SH3TC1: variants seen among roughly 807,000 people sequenced by gnomAD.
The protein encoded by SH3TC1 is SH3 domain and tetratricopeptide repeats 1.
In SH3TC1, 135 loss-of-function variants were observed where a neutral mutation model predicts 117.3. The ratio of observed to expected loss-of-function variants is 1.15; its 90% CI spans 1.00 to 1.33. The LOEUF is 1.33. Ranked by LOEUF, SH3TC1 falls within the 40% of genes most tolerant of loss-of-function variation. The pLI is 0.00. For synonymous variants in SH3TC1, 898 were observed against 816.9 expected, an observed-to-expected ratio of 1.10 and a Z score of -1.69; for missense variants, 2,092 against 1,794.3, an observed-to-expected ratio of 1.17 and a Z score of -3.00.
At chr4:8,191,117 G>C (rs1228547017) in intron 1 of SH3TC1, among the ~76,000 whole-genome samples, 1 of 152,168 alleles carries the variant, frequency 6.6e-6, no homozygotes, top group Non-Finnish European at 1.5e-5. Flanking sequence ...TCTCCTCTGG[G>C]GAAACAGCTC....
intron 1 of SH3TC1, among the ~76,000 whole-genome samples, chr4:8,187,484 C>T (rs1717261448): frequency 6.6e-6 from 1 of 152,154 alleles, no homozygotes; most frequent in Admixed American, 6.5e-5. Context: ...TCTTCTCCCC[C>T]ATTTACCCAG....
At position 8,183,751 on chromosome 4, in the gene SH3TC1, A is replaced by C. The variant is rs1578629310; in HGVS notation, c.-57+1541A>C. On this transcript the variant is annotated intron_variant, in intron 1 of 16. Coordinates refer to the SH3TC1 transcript ENST00000508641. The surrounding 1 kb of genome is among the most constrained non-coding windows in gnomAD (Gnocchi z 5.4). The stretch of plus-strand genomic sequence containing the variant: ...GTACATTTGTCATAACTAATGAGCC[A>C]ATACCACCAATGCCTGATTACCAGC... Among the ~76,000 whole-genome samples the C allele has an allele frequency of 6.6e-6, 1 of 152,184 alleles. No individual in the cohort carries two copies. Among genetic ancestry groups the C allele is most frequent in the East Asian group, 1.9e-4 (1 of 5,196 alleles).
intron 16 of SH3TC1, 177 bp downstream of exon 16, chr4:8,236,605 C>T (rs1721842979): frequency 3.8e-6 from 3 of 793,714 alleles, no homozygotes; most frequent in Non-Finnish European, 5.6e-6. Flanking sequence ...AGGTCCTTCA[C>T]TCAGTGCAGA....
chr4:8,198,841 G>A (rs1175691474), upstream of SH3TC1, among the ~76,000 whole-genome samples: 3 of 152,248 alleles, frequency 2.0e-5, no homozygotes, highest in South Asian at 6.2e-4. Flanking sequence ...GTCCATGTGT[G>A]CACACACTTG....
At chr4:8,230,448 C>T (rs1185186514) in intron 12 of SH3TC1, among the ~76,000 whole-genome samples, 2 of 151,978 alleles carry the variant, frequency 1.3e-5, no homozygotes, top group Non-Finnish European at 2.9e-5. Context: ...TGATTTTAGT[C>T]ATTTGTGTCC....
At chr4:8,194,228 G>A (rs933505655) in intron 1 of SH3TC1, among the ~76,000 whole-genome samples, 1 of 152,226 alleles carries the variant, frequency 6.6e-6, no homozygotes, top group Non-Finnish European at 1.5e-5. Context: ...GAAGGGTGTG[G>A]CTGGGGGCTT....
intron 16 of SH3TC1, 122 bp downstream of exon 16, chr4:8,236,550 C>T (rs1165304001): frequency 5.3e-6 from 7 of 1,321,256 alleles, no homozygotes; most frequent in Admixed American, 3.3e-5. Flanking sequence ...CAGGCAGGCA[C>T]ATCTGCCCAG....
At chr4:8,199,885 G>A (rs754674422) in intron 1 of SH3TC1, among the ~76,000 whole-genome samples, 119 of 152,314 alleles carry the variant, frequency 7.8e-4, no homozygotes, top group Non-Finnish European at 1.4e-3. Context: ...CTCTGATGCC[G>A]CCACCTGGGC....
intron 13 of SH3TC1, chr4:8,232,959 C>A (rs1721383500): frequency 8.4e-7 from 1 of 1,193,594 alleles, no homozygotes; most frequent in East Asian, 5.7e-5. Flanking sequence ...GCCAGAAGCT[C>A]TGGGGGCAGG....
chr4:8,239,298 T>TACATGCACACACATGGACATGCACACAC (rs1722104820), intron 17 of SH3TC1, among the ~76,000 whole-genome samples: 1 of 138,066 alleles, frequency 7.2e-6, no homozygotes, highest in Non-Finnish European at 1.6e-5. Flanking sequence ...CATGCACACA[T>TACATGCACACACATGGACATGCACACAC]GAGCACACAC....
Position 8,227,221 on chromosome 4 carries a change from T to C in SH3TC1, c.1527T>C (p.Pro509=), listed in dbSNP as rs55642964. ...CACTGCTGCTGTTCCTGAACGCCCC[T>C]GGGTACAAGGCCAGCTTCCGTGGCC... The part of the protein sequence containing the change: ...LSSLLLFLNA[P]GYKASFRGLY... The change falls in exon 12 of 18, where the codon CCT becomes CCC. Residue 509 remains proline (P), a synonymous_variant. Transcript: ENST00000245105. 0.31 allele frequency: 480,958 copies of C among 1,568,926 alleles called. 75,864 individuals are homozygous for C. Among genetic ancestry groups the C allele is most frequent in the East Asian group, 0.32 (13,977 of 43,192 alleles).
intron 17 of SH3TC1, among the ~76,000 whole-genome samples, chr4:8,239,715 AC>A (rs1722163385): frequency 6.6e-6 from 1 of 152,074 alleles, no homozygotes; most frequent in Non-Finnish European, 1.5e-5. Context: ...CTTGCCTCCC[AC>A]CCCAGGCTGA....
At chr4:8,220,536 T>A (rs539807351) in intron 9 of SH3TC1, among the ~76,000 whole-genome samples, 39 of 151,902 alleles carry the variant, frequency 2.6e-4, no homozygotes, top group African/African-American at 9.4e-4. Flanking sequence ...CAGCAGGGGG[T>A]CTTTGGAGAG....
At position 8,227,355 on chromosome 4, in the gene SH3TC1, G is replaced by T. The variant is rs894413081; in HGVS notation, c.1661G>T (p.Gly554Val). 10 of 1,596,080 alleles carry T rather than the reference G, an allele frequency of 6.3e-6. No homozygotes were observed. The highest frequency in any genetic ancestry group is 8.5e-6 in the Non-Finnish European group (10 of 1,171,764). Residue 554 changes from glycine (G) to valine (V), a missense_variant, in exon 12 of 18, where the codon GGC becomes GTC. Gly to Val is a moderately radical substitution (Grantham distance 109). Coordinates refer to ENST00000245105, the MANE Select transcript of SH3TC1 (RefSeq NM_018986.5). ...AQARGAAKKA[G>V]LLMALARLCF... is the part of the protein sequence containing the mutation. ...GCCCGGGGGGCGGCCAAGAAAGCTGGCCTCCTCATGGCCCTGGCCAGGCTC... is the reference window on the plus strand; with the variant it reads ...GCCCGGGGGGCGGCCAAGAAAGCTGTCCTCCTCATGGCCCTGGCCAGGCTC...
intron 4 of SH3TC1, among the ~76,000 whole-genome samples, chr4:8,213,605 A>G (rs921114005): frequency 2.6e-5 from 4 of 152,144 alleles, no homozygotes; most frequent in African/African-American, 7.2e-5. Flanking sequence ...TGAATAAGAA[A>G]TGGGGCCTTC....
intron 12 of SH3TC1, among the ~76,000 whole-genome samples, chr4:8,230,071 C>T (rs939885897): frequency 6.6e-6 from 1 of 151,898 alleles, no homozygotes; most frequent in Non-Finnish European, 1.5e-5. Flanking sequence ...GTTGAACAGT[C>T]GAGAAGACCG....
At chr4:8,188,954 G>A (rs1007792608) in intron 1 of SH3TC1, among the ~76,000 whole-genome samples, 1 of 152,268 alleles carries the variant, frequency 6.6e-6, no homozygotes, top group African/African-American at 2.4e-5. Flanking sequence ...GGCACACGTG[G>A]CTCGACACAT....
Position 8,235,556 on chromosome 4 carries a change from G to C in SH3TC1, c.3405+1G>C. 6.3e-7 allele frequency: 1 copy of C among 1,594,312 alleles called. No individual in the cohort carries two copies. Among genetic ancestry groups the C allele is most frequent in the Non-Finnish European group, 8.6e-7 (1 of 1,169,160 alleles). ...GGAGAAAGCTGTGTCCTTCTACCGGGTGAGCTGGCCTGTGGGCTGATGTGG... is the reference window on the plus strand; with the variant it reads ...GGAGAAAGCTGTGTCCTTCTACCGGCTGAGCTGGCCTGTGGGCTGATGTGG... On this transcript the variant is annotated splice_donor_variant, in intron 15 of 17. Coordinates refer to ENST00000245105, the MANE Select transcript of SH3TC1 (RefSeq NM_018986.5). LOFTEE classifies it high-confidence loss of function.
At position 8,219,450 on chromosome 4, in the gene SH3TC1, G is replaced by C. The variant is rs751867810; in HGVS notation, c.1032G>C (p.Trp344Cys). The C allele has an allele frequency of 2.1e-5, 34 of 1,609,930 alleles. No individual in the cohort carries two copies. In the South Asian group the frequency reaches 3.6e-4, roughly 17 times the overall value. ...ILGAQVPSLP[W>C]CVGRHAASGR... ...GGGCGCAGGTGCCCAGCCTGCCCTG[G>C]TGCGTGGGCCGACACGCAGCCTCGG... The change falls in exon 9 of 18, where the codon TGG becomes TGC. Residue 344 changes from tryptophan to cysteine, a missense_variant. Physicochemically the swap from Trp to Cys is radical, Grantham distance 215. Transcript: ENST00000245105.
Sources: allele counts gnomAD v4.1 joint callset (sites outside exome capture counted in the v4.1 genomes callset), GRCh38; gene constraint gnomAD v4.1.1; non-coding constraint Gnocchi (gnomAD v3.1); transcripts MANE v1.5; gene names NCBI Gene and HGNC (gene_info 2026-07-23, HGNC 2026-07-21).